MEG3: variants seen among roughly 807,000 people sequenced by gnomAD.
MEG3 encodes Very putative protein from MEG3 locus.
upstream of MEG3, chr14:100,856,779 G>C (rs1196459345): frequency 2.0e-5 from 3 of 152,316 alleles, no homozygotes; most frequent in Non-Finnish European, 4.4e-5. Flanking sequence ...GAAACGCCTG[G>C]CTGTGCTTTC....
intron 2 of MEG3, among the ~76,000 whole-genome samples, chr14:100,838,719 A>C (rs948994575): frequency 6.6e-6 from 1 of 152,098 alleles, no homozygotes; most frequent in African/African-American, 2.4e-5. Flanking sequence ...TGCAAGTGTC[A>C]GGGTAAAGAC....
At chr14:100,836,276 C>T (rs2037577072) in exon 2 of MEG3, 1 of 456,462 alleles carries the variant, frequency 2.2e-6, no homozygotes, top group East Asian at 7.0e-5. Context: ...TCCTGGCGGG[C>T]CTCTCGTCTC....
upstream of MEG3, chr14:100,855,997 T>C (rs1054305708): frequency 2.6e-5 from 4 of 152,220 alleles, no homozygotes; most frequent in Non-Finnish European, 5.9e-5. Flanking sequence ...GAGTGGCTGC[T>C]TCTGGCCGGG....
At chr14:100,834,256 T>G (rs1480190367) in exon 1 of MEG3, 1 of 163,656 alleles carries the variant, frequency 6.1e-6, no homozygotes, top group African/African-American at 2.4e-5. Context: ...TCCATGGCAC[T>G]CTCCTCACCC....
At chr14:100,835,130 C>T in exon 1 of MEG3, 1 of 319,824 alleles carries the variant, frequency 3.1e-6, no homozygotes, top group Non-Finnish European at 6.2e-6. Flanking sequence ...TTCAAGCTAT[C>T]CCCAGGGCTC....
intron 3 of MEG3, chr14:100,851,284 G>C (rs1595298429): frequency 6.6e-6 from 1 of 152,426 alleles, no homozygotes; most frequent in South Asian, 2.1e-4. Flanking sequence ...GGCCACTCCC[G>C]CGGCATGGGT....
chr14:100,852,427 G>A, upstream of MEG3: 1 of 534,370 alleles, frequency 1.9e-6, no homozygotes, highest in Non-Finnish European at 3.8e-6. Context: ...CACGTGTCAG[G>A]GCCACATGAG....
chr14:100,850,279 A>G (rs2038028925), intron 3 of MEG3: 1 of 152,218 alleles, frequency 6.6e-6, no homozygotes, highest in Non-Finnish European at 1.5e-5. Context: ...GATTCTGTCC[A>G]CCTGACTTTA....
At chr14:100,847,591 A>G (rs2037953455) in intron 3 of MEG3, 1 of 152,234 alleles carries the variant, frequency 6.6e-6, no homozygotes, top group Non-Finnish European at 1.5e-5. Flanking sequence ...GTCCACTTCT[A>G]GAAAACCACA....
exon 1 of MEG3, chr14:100,858,301 G>A (rs2038300874): frequency 6.5e-6 from 1 of 152,944 alleles, no homozygotes; most frequent in African/African-American, 2.4e-5. Context: ...TGCGTTAGAG[G>A]AGGTGCTGCT....
chr14:100,842,689 G>A (rs547662858), intron 2 of MEG3, among the ~76,000 whole-genome samples: 2 of 152,284 alleles, frequency 1.3e-5, no homozygotes, highest in Admixed American at 1.3e-4. Flanking sequence ...GTTTGAAACA[G>A]CCATAAGTTG....
chr14:100,840,046 C>T (rs917761361), intron 2 of MEG3, among the ~76,000 whole-genome samples: 2 of 152,188 alleles, frequency 1.3e-5, no homozygotes, highest in Admixed American at 6.5e-5. Context: ...CGATCGTGGG[C>T]GGCCCGTGTA....
At chr14:100,859,909 C>T (rs1170593359) in exon 1 of MEG3, 1 of 152,288 alleles carries the variant, frequency 6.6e-6, no homozygotes, top group Non-Finnish European at 1.5e-5. Flanking sequence ...CCCCCGCAAC[C>T]CCTTCTGACT....
chr14:100,851,227 C>G (rs1051162939), intron 3 of MEG3: 1 of 152,300 alleles, frequency 6.6e-6, no homozygotes, highest in Non-Finnish European at 1.5e-5. Flanking sequence ...CCCTGAGCCC[C>G]GCAGAAGGTT....
exon 1 of MEG3, chr14:100,860,164 A>C: frequency 5.9e-6 from 1 of 169,058 alleles, no homozygotes; most frequent in Non-Finnish European, 1.3e-5. Context: ...GGCAAGGGGG[A>C]AAGCACCAGC....
chr14:100,847,054 G>A (rs567385080), intron 3 of MEG3: 25 of 151,842 alleles, frequency 1.6e-4, no homozygotes, highest in Non-Finnish European at 3.2e-4. Context: ...TAGAGGATGA[G>A]TAATGAGTAA....
chr14:100,830,565 G>T (rs1398772249), downstream of MEG3: 3 of 152,178 alleles, frequency 2.0e-5, no homozygotes, highest in East Asian at 5.8e-4. Context: ...GGTGCTGTGT[G>T]TGTTTGTGTT....
At chr14:100,851,810 G>GC (rs2038086711) in intron 3 of MEG3, 1 of 153,750 alleles carries the variant, frequency 6.5e-6, no homozygotes, top group South Asian at 2.0e-4. Context: ...CCGGGGGACT[G>GC]CCGGGGTAAA....
At chr14:100,849,269 C>T (rs1028323950) in intron 3 of MEG3, 1 of 152,110 alleles carries the variant, frequency 6.6e-6, no homozygotes, top group African/African-American at 2.4e-5. Context: ...GCACCAAATC[C>T]CCAGGGGGAG....
Sources: allele counts gnomAD v4.1 joint callset (sites outside exome capture counted in the v4.1 genomes callset), GRCh38; gene constraint gnomAD v4.1.1; transcripts MANE v1.5; gene names NCBI Gene and HGNC (gene_info 2026-07-23, HGNC 2026-07-21).